STXBP5: variants seen among roughly 807,000 people sequenced by gnomAD.
STXBP5 encodes the protein syntaxin binding protein 5, also known as syntaxin-binding protein 5.
A neutral mutation model predicts 152.4 loss-of-function variants in STXBP5; 50 were observed. The ratio of observed to expected loss-of-function variants is 0.33; its 90% CI spans 0.26 to 0.42. STXBP5 has a LOEUF of 0.42. Among genes scored for constraint, STXBP5 ranks in the 10% least tolerant of loss-of-function variants. The pLI, the probability that STXBP5 is intolerant of heterozygous loss-of-function variation, is 1.00. For missense variants in STXBP5, 1,167 were observed against 1,388.6 expected, an observed-to-expected ratio of 0.84 and a Z score of 2.54; for synonymous variants, 492 against 494.7, an observed-to-expected ratio of 0.99 and a Z score of 0.07.
At chr6:147,324,548 G>A (rs576063093) in intron 16 of STXBP5, among the ~76,000 whole-genome samples, 4 of 152,126 alleles carry the variant, frequency 2.6e-5, no homozygotes, top group Non-Finnish European at 5.9e-5. Context: ...GGGATTACAG[G>A]CGTGAGCCAC....
At chr6:147,350,891 T>TG (rs1784561770) in intron 21 of STXBP5, among the ~76,000 whole-genome samples, 1 of 152,172 alleles carries the variant, frequency 6.6e-6, no homozygotes, top group African/African-American at 2.4e-5. Context: ...TGATGAAACT[T>TG]GAAGTTTAGA....
At chr6:147,319,297 A>G (rs116963647) in intron 16 of STXBP5, among the ~76,000 whole-genome samples, 2,428 of 152,218 alleles carry the variant, frequency 0.016, 26 homozygotes, top group Non-Finnish European at 0.023. Flanking sequence ...CTCTTCTCCT[A>G]TAATTTGATT....
intron 9 of STXBP5, 70 bp downstream of exon 9, chr6:147,291,242 C>A: frequency 7.6e-7 from 1 of 1,312,990 alleles, no homozygotes; most frequent in South Asian, 1.4e-5. Flanking sequence ...GCTATTTTAT[C>A]ATTAATTTTG....
chr6:147,230,695 A>G (rs1385646517), intron 2 of STXBP5, among the ~76,000 whole-genome samples: 1 of 151,408 alleles, frequency 6.6e-6, no homozygotes, highest in African/African-American at 2.4e-5. Context: ...GTTTGCTTGC[A>G]TGTATGCTAT....
At position 147,363,719 on chromosome 6, in the gene STXBP5, T is replaced by C. The variant is rs1266652869; in HGVS notation, c.2915+15T>C. ...ATGACTTTTAGGTAAGAGTTAGATA[T>C]GTTTTAAAACACAGATATAGCATTT... is the stretch of plus-strand genomic sequence containing the variant. On this transcript the variant is annotated intron_variant, in intron 24 of 27. Coordinates refer to ENST00000321680, the MANE Select transcript of STXBP5 (RefSeq NM_001127715.4). 2 of 1,588,870 alleles carry C rather than the reference T, an allele frequency of 1.3e-6. No individual in the cohort carries two copies. Among genetic ancestry groups the C allele is most frequent in the East Asian group, 2.2e-5 (1 of 44,774 alleles).
chr6:147,217,581 G>A (rs971445686), intron 2 of STXBP5, among the ~76,000 whole-genome samples: 2 of 152,094 alleles, frequency 1.3e-5, no homozygotes, highest in Non-Finnish European at 2.9e-5. Flanking sequence ...CCAAAACAGT[G>A]AATATTAAGA....
At chr6:147,362,639 A>G (rs1785115906) in intron 23 of STXBP5, among the ~76,000 whole-genome samples, 2 of 152,284 alleles carry the variant, frequency 1.3e-5, no homozygotes, top group South Asian at 2.1e-4. Flanking sequence ...TTGGCCATCT[A>G]GATCAGTATT....
intron 9 of STXBP5, among the ~76,000 whole-genome samples, chr6:147,294,657 A>C (rs1435494760): frequency 1.3e-5 from 2 of 152,188 alleles, no homozygotes; most frequent in African/African-American, 4.8e-5. Context: ...CTGTGATTTA[A>C]AAAAGTATTT....
intron 21 of STXBP5, among the ~76,000 whole-genome samples, chr6:147,348,326 A>G (rs955932761): frequency 6.6e-6 from 1 of 151,686 alleles, no homozygotes; most frequent in African/African-American, 2.4e-5. Flanking sequence ...TAGGATTTAA[A>G]TCCTTTCCCT....
chr6:147,236,944 G>C (rs894352121), intron 3 of STXBP5, among the ~76,000 whole-genome samples: 1 of 151,788 alleles, frequency 6.6e-6, no homozygotes, highest in East Asian at 1.9e-4. Context: ...ACACCGGCCA[G>C]TTTTTGTATT....
intron 9 of STXBP5, among the ~76,000 whole-genome samples, chr6:147,297,730 G>C (rs1269225906): frequency 6.6e-6 from 1 of 152,032 alleles, no homozygotes; most frequent in African/African-American, 2.4e-5. Context: ...AATGTTGAGA[G>C]AAGGGTAAAA....
Position 147,334,162 on chromosome 6 carries a change from C to T in STXBP5, c.2086C>T (p.Leu696=), listed in dbSNP as rs1477223070. Residue 696 remains leucine (L), a synonymous_variant, in exon 19 of 28, where the codon CTG becomes TTG. Transcript: ENST00000321680. ...RKSRQPSGAG[L]CDISEGTVVP... is the part of the protein sequence containing the mutation. ...TTTTTGTTTTTGTTTTGTAGCCGGT[C>T]TGTGTGATATTAGTGAAGGGACTGT... The T allele has an allele frequency of 1.9e-6, 3 of 1,612,186 alleles. No homozygotes were observed. The African/African-American group carries it at 4.0e-5, about 22-fold the overall frequency.
chr6:147,382,531 T>G (rs1288263764), intron 26 of STXBP5, among the ~76,000 whole-genome samples: 1 of 152,176 alleles, frequency 6.6e-6, no homozygotes, highest in Non-Finnish European at 1.5e-5. Context: ...CTTTTTAGTA[T>G]GTCTTGTTGT....
intron 4 of STXBP5, among the ~76,000 whole-genome samples, chr6:147,244,987 C>CTTTT (rs57889304): frequency 5.5e-4 from 47 of 86,202 alleles, no homozygotes; most frequent in Non-Finnish European, 8.4e-4. Flanking sequence ...TGCTGAGCTG[C>CTTTT]TTTTTTTTTT....
intron 25 of STXBP5, among the ~76,000 whole-genome samples, chr6:147,370,573 G>GT (rs1482380105): frequency 6.7e-6 from 1 of 149,572 alleles, no homozygotes; most frequent in Non-Finnish European, 1.5e-5. Flanking sequence ...ATAATAAACT[G>GT]TTTTTTTCAA....
intron 7 of STXBP5, among the ~76,000 whole-genome samples, chr6:147,275,896 A>G (rs1305290469): frequency 6.6e-6 from 1 of 152,056 alleles, no homozygotes; most frequent in East Asian, 1.9e-4. Context: ...GAAATTTTAT[A>G]TCTTCTCCTT....
intron 21 of STXBP5, among the ~76,000 whole-genome samples, chr6:147,343,632 C>T (rs1197692261): frequency 6.6e-6 from 1 of 152,092 alleles, no homozygotes; most frequent in Non-Finnish European, 1.5e-5. Flanking sequence ...TCTGCTTTTG[C>T]TTTCTTATGT....
chr6:147,325,995 T>C (rs559971563), intron 17 of STXBP5, among the ~76,000 whole-genome samples: 44 of 152,324 alleles, frequency 2.9e-4, no homozygotes, highest in Admixed American at 2.5e-3. Flanking sequence ...ATTTAAAGTA[T>C]ATGGGAGACT....
intron 22 of STXBP5, among the ~76,000 whole-genome samples, chr6:147,354,387 C>T (rs780978657): frequency 1.1e-4 from 16 of 151,886 alleles, no homozygotes; most frequent in Non-Finnish European, 2.1e-4. Context: ...CCTATAATAT[C>T]CCTAGTATAA....
Sources: gnomAD v4.1 joint callset for allele counts (sites outside exome capture counted in the v4.1 genomes callset) on GRCh38, gnomAD v4.1.1 for gene constraint, MANE v1.5 for transcripts, NCBI Gene and HGNC (gene_info 2026-07-23, HGNC 2026-07-21) for gene names.